Variants in DYTN observed in about 807,000 individuals in gnomAD.
DYTN encodes dystrotelin.
Under a neutral mutation model 69.6 loss-of-function variants are expected in DYTN, and 75 were observed. That is an observed-to-expected ratio of 1.08 (90% CI 0.89 to 1.31). DYTN has a LOEUF of 1.31. Ranked by LOEUF, DYTN falls within the 50% of genes most tolerant of loss-of-function variation. DYTN has a pLI of 0.00. For synonymous variants in DYTN, 252 were observed against 249.1 expected, an observed-to-expected ratio of 1.01 and a Z score of -0.11; for missense variants, 726 against 688.4, an observed-to-expected ratio of 1.05 and a Z score of -0.61.
intron 9 of DYTN, among the ~76,000 whole-genome samples, chr2:206,681,346 C>T (rs1029235987): frequency 8.5e-5 from 13 of 152,086 alleles, no homozygotes; most frequent in Non-Finnish European, 4.4e-5. Context: ...TCCTGTCTTC[C>T]TATTTGAATA....
chr2:206,660,921 A>G (rs963425912), intron 11 of DYTN, among the ~76,000 whole-genome samples: 11 of 152,018 alleles, frequency 7.2e-5, no homozygotes, highest in African/African-American at 2.2e-4. Context: ...TCCTACCCCA[A>G]ATTTATATAT....
At chr2:206,704,591 G>T (rs1700006863) in intron 5 of DYTN, among the ~76,000 whole-genome samples, 1 of 152,148 alleles carries the variant, frequency 6.6e-6, no homozygotes, top group Admixed American at 6.5e-5. Context: ...TTACAGCAAT[G>T]CAAATAATTC....
At chr2:206,654,871 C>T (rs1403070813) in intron 11 of DYTN, among the ~76,000 whole-genome samples, 1 of 152,124 alleles carries the variant, frequency 6.6e-6, no homozygotes, top group Non-Finnish European at 1.5e-5. Flanking sequence ...CCTCCTGCTC[C>T]CCACCCTTAA....
At chr2:206,707,265 T>G in intron 3 of DYTN, 37 bp downstream of exon 3, 1 of 1,589,108 alleles carries the variant, frequency 6.3e-7, no homozygotes, top group Non-Finnish European at 8.6e-7. Context: ...AACTAAACTT[T>G]GCCTTTGAGG....
chr2:206,659,012 G>A (rs1185980135), intron 11 of DYTN, among the ~76,000 whole-genome samples: 2 of 149,436 alleles, frequency 1.3e-5, no homozygotes, highest in Non-Finnish European at 3.0e-5. Context: ...CCACAGCAGA[G>A]GCAAGGAACA....
rs570000395 is a variant in DYTN, at chr2:206,661,092, T to G, written c.1633+1811A>C. Reference sequence around the variant, plus strand: ...AAAAATTTGGACATAGACATAGACATACATAGAAGGAAGGCCATATAAAGG... The same window carrying G: ...AAAAATTTGGACATAGACATAGACAGACATAGAAGGAAGGCCATATAAAGG... On this transcript the variant is annotated intron_variant, in intron 11 of 11. Transcript: ENST00000452335. 5.3e-5 allele frequency among the ~76,000 whole-genome samples: 8 copies of G among 152,148 alleles called. No homozygotes were observed. The South Asian group carries it at 6.2e-4, about 12-fold the overall frequency.
At chr2:206,659,484 CAAAA>C (rs772861150) in intron 11 of DYTN, among the ~76,000 whole-genome samples, 6,190 of 64,168 alleles carry the variant, frequency 0.096, 135 homozygotes, top group Admixed American at 0.16. Flanking sequence ...CAACAATTCT[CAAAA>C]AAAAAAAAAA....
chr2:206,682,000 T>C (rs1487406370), intron 9 of DYTN, among the ~76,000 whole-genome samples: 1 of 152,216 alleles, frequency 6.6e-6, no homozygotes, highest in Middle Eastern at 3.2e-3. Context: ...TGAATCTGTC[T>C]GGTCCTGGAC....
chr2:206,700,162 G>A lies in DYTN; in HGVS notation c.538C>T (p.Arg180Cys), dbSNP rs200369556. The A allele has an allele frequency of 1.5e-5, 24 of 1,613,786 alleles. No individual in the cohort carries two copies. Among genetic ancestry groups the A allele is most frequent in the African/African-American group, 8.0e-5 (6 of 74,904 alleles). Residue 180 changes from arginine (R) to cysteine (C), a missense_variant, in exon 6 of 12, where the codon CGC becomes TGC. Physicochemically the swap from Arg to Cys is radical, Grantham distance 180 (BLOSUM62 -3). Coordinates refer to ENST00000452335, the MANE Select transcript of DYTN (RefSeq NM_001093730.1). ...GCACTCACCCCTTGGAAACAGCTGC[G>A]GGTGGCACTTTCCACAGGGCACAGA... ...RALCPVESAT[R>C]SCFQGVLSPA...
At chr2:206,667,030 G>C (rs374610588) in intron 9 of DYTN, among the ~76,000 whole-genome samples, 1 of 152,148 alleles carries the variant, frequency 6.6e-6, no homozygotes, top group Admixed American at 6.5e-5. Flanking sequence ...GGCTGACAGA[G>C]AGAGACCCTG....
intron 5 of DYTN, among the ~76,000 whole-genome samples, chr2:206,702,790 G>A (rs974578456): frequency 6.6e-5 from 10 of 152,102 alleles, no homozygotes; most frequent in African/African-American, 2.4e-4. Context: ...TTCTGTAGTG[G>A]GTTTTCAACC....
chr2:206,709,530 C>CTGAGGA (rs1700060048), intron 2 of DYTN, among the ~76,000 whole-genome samples: 1 of 152,000 alleles, frequency 6.6e-6, no homozygotes, highest in Non-Finnish European at 1.5e-5. Flanking sequence ...GTTGTTCCTG[C>CTGAGGA]TGAGGATGTG....
chr2:206,688,708 G>A (rs1332000428), intron 9 of DYTN, among the ~76,000 whole-genome samples: 1 of 152,178 alleles, frequency 6.6e-6, no homozygotes, highest in Non-Finnish European at 1.5e-5. Flanking sequence ...AATTTTTGGA[G>A]CAGGTACATT....
rs1197545531 is a variant in DYTN at position 206,665,877 on chromosome 2, T to C, written c.1133A>G (p.Asp378Gly). The change falls in exon 10 of 12, where the codon GAC (aspartate) becomes GGC (glycine). Residue 378 changes from aspartate to glycine, a missense_variant. By Grantham distance (94) the Asp-to-Gly change is moderately conservative (BLOSUM62 -1). Transcript: ENST00000452335. ...LWTKLQQIRRDLQARLQPPGP... is the reference protein window; with the variant it reads ...LWTKLQQIRRGLQARLQPPGP... Reference sequence around the variant, plus strand: ...GTCCCTCACATTTTATACCTGTAGGTCCCGTCTTATCTGTTGTAGCTTGGT... The same window carrying C: ...GTCCCTCACATTTTATACCTGTAGGCCCCGTCTTATCTGTTGTAGCTTGGT... 6.2e-7 allele frequency: 1 copy of C among 1,613,626 alleles called. No individual in the cohort carries two copies. The highest frequency in any genetic ancestry group is 1.7e-5 in the Admixed American group (1 of 59,968).
intron 9 of DYTN, among the ~76,000 whole-genome samples, chr2:206,673,891 A>T (rs964163708): frequency 1.3e-5 from 2 of 152,208 alleles, no homozygotes; most frequent in African/African-American, 4.8e-5. Context: ...GCCATATGTA[A>T]ATGAGAATAG....
intron 2 of DYTN, among the ~76,000 whole-genome samples, chr2:206,708,073 A>C (rs1003215851): frequency 6.6e-6 from 1 of 152,252 alleles, no homozygotes; most frequent in South Asian, 2.1e-4. Flanking sequence ...TCTGCAACTC[A>C]GTAATACCAC....
intron 3 of DYTN, among the ~76,000 whole-genome samples, chr2:206,706,362 C>T (rs1018515504): frequency 3.3e-5 from 5 of 151,944 alleles, no homozygotes; most frequent in South Asian, 4.1e-4. Flanking sequence ...AACAATTTAT[C>T]GAAGGCAGGG....
At chr2:206,692,784 A>G (rs1338579397) in intron 9 of DYTN, among the ~76,000 whole-genome samples, 1 of 151,842 alleles carries the variant, frequency 6.6e-6, no homozygotes, top group Non-Finnish European at 1.5e-5. Flanking sequence ...GAGTGGTGGT[A>G]TGCTGAGTGT....
intron 6 of DYTN, 100 bp downstream of exon 6, chr2:206,700,045 T>C: frequency 1.3e-6 from 2 of 1,560,776 alleles, no homozygotes; most frequent in Non-Finnish European, 1.8e-6. Context: ...TCTGAGATGC[T>C]ATGTGGAGTA....
Sources: gnomAD v4.1 joint callset for allele counts (sites outside exome capture counted in the v4.1 genomes callset) on GRCh38, gnomAD v4.1.1 for gene constraint, MANE v1.5 for transcripts, NCBI Gene and HGNC (gene_info 2026-07-23, HGNC 2026-07-21) for gene names.